CCDC187: variants seen among roughly 807,000 people sequenced by gnomAD.
CCDC187 encodes the protein coiled-coil domain containing 187.
Under a neutral mutation model 38.0 loss-of-function variants are expected in CCDC187, and 32 were observed. The observed-to-expected ratio is 0.84, with a 90% CI of 0.64 to 1.13. The LOEUF is 1.13. Among genes scored for constraint, CCDC187 ranks in the 50% most tolerant of loss-of-function variants. The pLI is 0.00. For missense variants in CCDC187, 707 were observed against 786.8 expected (o/e 0.90, Z 1.21); for synonymous variants, 333 against 347.9 (o/e 0.96, Z 0.48).
Position 136,254,037 on chromosome 9 carries a change from G to A in CCDC187, c.5791C>T (p.Leu1931Phe), listed in dbSNP as rs1490204773. ...ACCGGGGTCTCGGGCTCTGGCATGAGGTACGGGAGTTTGCTCTTGGTGGAT... is the reference window on the plus strand; with the variant it reads ...ACCGGGGTCTCGGGCTCTGGCATGAAGTACGGGAGTTTGCTCTTGGTGGAT... ...SPSTKSKLPY[L>F]MPEPETPVTL... The change falls in exon 26 of 26, where the codon CTC (leucine) becomes TTC (phenylalanine). Residue 1931 changes from leucine (L) to phenylalanine (F), a missense_variant. Transcript: ENST00000638797. The A allele has an allele frequency of 1.0e-6, 1 of 985,242 alleles. No individual in the cohort carries two copies. The highest frequency in any genetic ancestry group is 1.2e-6 in the Non-Finnish European group (1 of 829,924). The allele number at this position is 985,242 out of a possible 1,614,324, so 61.0% of individuals were successfully genotyped here. A position where few individuals can be genotyped will look rare whatever the true frequency, so the allele number is the denominator to read the frequency against.
intron 14 of CCDC187, among the ~76,000 whole-genome samples, chr9:136,268,662 T>A (rs1554761977): frequency 1.3e-5 from 2 of 150,410 alleles, no homozygotes; most frequent in East Asian, 3.9e-4. Flanking sequence ...TGCCATCCCA[T>A]CTGCAACAAC....
chr9:136,288,641 CTG>C (rs1207924225), intron 7 of CCDC187, among the ~76,000 whole-genome samples: 1 of 152,192 alleles, frequency 6.6e-6, no homozygotes, highest in Non-Finnish European at 1.5e-5. Flanking sequence ...AGGCTGGAAA[CTG>C]TAGTGAGACC....
intron 2 of CCDC187, 37 bp from the exon 3 acceptor site, chr9:136,300,355 G>A (rs1831647939): frequency 2.5e-6 from 1 of 398,376 alleles, no homozygotes; most frequent in African/African-American, 2.1e-5. Context: ...AGCGTGAGAA[G>A]AGAGATCCGC....
At chr9:136,263,883 G>C (rs1032905790) in intron 17 of CCDC187, 85 bp from the exon 18 acceptor site, 16 of 917,900 alleles carry the variant, frequency 1.7e-5, no homozygotes, top group Non-Finnish European at 2.1e-5. Flanking sequence ...GTGTCTGGGG[G>C]GATGCCCTGG....
chr9:136,290,527 G>A lies in CCDC187; in HGVS notation c.2086C>T (p.Pro696Ser). 2.5e-6 allele frequency: 1 copy of A among 398,702 alleles called. No individual in the cohort carries two copies. Among genetic ancestry groups the A allele is most frequent in the East Asian group, 3.6e-5 (1 of 28,070 alleles). 24.7% of individuals were successfully genotyped at this position (398,702 alleles called of 1,614,324 possible). ...CTGGGGACAAAGGTCACGATGCCAGGGGTGGTCCGGGAGACCACGGGGACC... is the reference window on the plus strand; with the variant it reads ...CTGGGGACAAAGGTCACGATGCCAGAGGTGGTCCGGGAGACCACGGGGACC... ...RAVPVVSRTT[P>S]GIVTFVPSSA... is the part of the protein sequence containing the mutation. The change falls in exon 6 of 26, where the codon CCT becomes TCT. Residue 696 changes from proline (P) to serine (S), a missense_variant. Pro to Ser is a moderately conservative substitution (Grantham distance 74, BLOSUM62 -1). Coordinates refer to ENST00000638797, the MANE Select transcript of CCDC187 (RefSeq NM_001378188.1).
In CCDC187 at chr9:136,258,795, G is replaced by T. The variant is rs1349490002; in HGVS notation, c.4366+137C>A. 73 of 984,642 alleles carry T rather than the reference G, an allele frequency of 7.4e-5. No individual in the cohort carries two copies. In the Admixed American group the frequency reaches 2.5e-3, roughly 34 times the overall value. The allele number at this position is 984,642 out of a possible 1,614,324, so 61.0% of individuals were successfully genotyped here. ...CAGTGAAGGGGTCTGAGGCCAGGGT[G>T]GGGGGCCACCAGGGCCCATCTTCTT... On this transcript the variant is annotated intron_variant, in intron 22 of 25. Coordinates refer to ENST00000638797, the MANE Select transcript of CCDC187 (RefSeq NM_001378188.1). This position sits in a 1 kb window ranked among gnomAD's most constrained non-coding sequence, Gnocchi z 4.3.
In CCDC187 at chr9:136,256,334, G is replaced by A. The variant is rs569053529; in HGVS notation, c.4504-11C>T. The A allele has an allele frequency of 1.4e-5, 14 of 982,674 alleles. No individual in the cohort carries two copies. Among genetic ancestry groups the A allele is most frequent in the South Asian group, 1.4e-4 (3 of 21,232 alleles). 60.9% of individuals were successfully genotyped at this position (982,674 alleles called of 1,614,324 possible). A position where few individuals can be genotyped will look rare whatever the true frequency, so the allele number is the denominator to read the frequency against. On this transcript the variant is annotated splice_polypyrimidine_tract_variant and intron_variant, in intron 23 of 25. Transcript: ENST00000638797. ...GTCCTCAGCCACCTGCTGGAGAGACGTTGCAGAAATGACACTGTTGGGGTG... is the reference window on the plus strand; with the variant it reads ...GTCCTCAGCCACCTGCTGGAGAGACATTGCAGAAATGACACTGTTGGGGTG...
At chr9:136,305,885 G>C (rs1464334382), upstream of CCDC187, among the ~76,000 whole-genome samples, 1 of 152,168 alleles carries the variant, frequency 6.6e-6, no homozygotes, top group Non-Finnish European at 1.5e-5. Context: ...TGCCTCCCTG[G>C]CCTGGTCACC....
At chr9:136,286,811 T>C in intron 7 of CCDC187, 116 bp from the exon 8 acceptor site, 1 of 397,682 alleles carries the variant, frequency 2.5e-6, no homozygotes, top group Non-Finnish European at 4.4e-6. Context: ...ACGGACCCAG[T>C]GTCTGTCCGC....
rs1353877230 is a variant in CCDC187, at chr9:136,285,086, G to T, written c.2927+427C>A. ...TGACATGGCCCCAGAGGAGGCTGCAGCCCGTGCTGGGGATGGGAGCCAGGT... is the reference window on the plus strand; with the variant it reads ...TGACATGGCCCCAGAGGAGGCTGCATCCCGTGCTGGGGATGGGAGCCAGGT... On this transcript the variant is annotated intron_variant, in intron 9 of 25. Coordinates refer to ENST00000638797, the MANE Select transcript of CCDC187 (RefSeq NM_001378188.1). Among the ~76,000 whole-genome samples, 3 of 152,230 alleles carry T rather than the reference G, an allele frequency of 2.0e-5. No homozygotes were observed. The East Asian group carries it at 5.8e-4, about 29-fold the overall frequency.
intron 14 of CCDC187, among the ~76,000 whole-genome samples, chr9:136,271,708 C>T (rs555867670): frequency 2.7e-5 from 4 of 149,030 alleles, no homozygotes; most frequent in East Asian, 4.1e-4. Flanking sequence ...CCTGGGTTCA[C>T]GCCATTCTCC....
intron 7 of CCDC187, 48 bp from the exon 8 acceptor site, chr9:136,286,743 A>G (rs1051613359): frequency 0.043 from 17,313 of 398,552 alleles, 538 homozygotes; most frequent in African/African-American, 0.1. Flanking sequence ...CGGTCGCCCC[A>G]GCAGGGCACG....
chr9:136,279,803 G>A (rs1006510351), intron 10 of CCDC187, among the ~76,000 whole-genome samples: 12 of 152,236 alleles, frequency 7.9e-5, no homozygotes, highest in East Asian at 3.8e-4. Context: ...GCCATGAGGC[G>A]GCAATTCAGC....
Position 136,274,436 on chromosome 9 carries a change from G to A in CCDC187, c.3442+222C>T, listed in dbSNP as rs146429697. Reference sequence around the variant, plus strand: ...CTAACCCAGTTCCCCGGGCTCAAGCGATGCCAGGGGCTAGGGCTGCCCGAG... The same window carrying A: ...CTAACCCAGTTCCCCGGGCTCAAGCAATGCCAGGGGCTAGGGCTGCCCGAG... On this transcript the variant is annotated intron_variant, in intron 14 of 25. Transcript: ENST00000638797. Among the ~76,000 whole-genome samples, 36 of 152,364 alleles carry A rather than the reference G, an allele frequency of 2.4e-4. 1 individual carries two copies. The East Asian group carries it at 4.8e-3, about 20-fold the overall frequency.
chr9:136,269,163 G>A (rs112230661), intron 14 of CCDC187, among the ~76,000 whole-genome samples: 111 of 152,334 alleles, frequency 7.3e-4, no homozygotes, highest in African/African-American at 2.6e-3. Flanking sequence ...CCTGTTTCCA[G>A]TAGTCAGGCT....
At position 136,254,851 on chromosome 9, in the gene CCDC187, G is replaced by T. The variant is rs1309914663; in HGVS notation, c.4977C>A (p.Asp1659Glu). ...LPSLEAEDSP[D>E]EGFSWPGELS... Reference sequence around the variant, plus strand: ...GCTCTCCAGGCCAGCTGAAACCTTCGTCTGGGGAGTCTTCAGCTTCCAAGC... The same window carrying T: ...GCTCTCCAGGCCAGCTGAAACCTTCTTCTGGGGAGTCTTCAGCTTCCAAGC... Residue 1659 changes from aspartate (D) to glutamate (E), a missense_variant, in exon 26 of 26, where the codon GAC becomes GAA. Physicochemically the swap from Asp to Glu is conservative, Grantham distance 45. Coordinates refer to ENST00000638797, the MANE Select transcript of CCDC187 (RefSeq NM_001378188.1). The T allele has an allele frequency of 1.0e-6, 1 of 982,420 alleles. No homozygotes were observed. The highest frequency in any genetic ancestry group is 1.2e-6 in the Non-Finnish European group (1 of 829,960). 60.9% of individuals were successfully genotyped at this position (982,420 alleles called of 1,614,324 possible). A position where few individuals can be genotyped will look rare whatever the true frequency, so the allele number is the denominator to read the frequency against.
Position 136,267,399 on chromosome 9 carries a change from A to T in CCDC187, c.3632T>A (p.Leu1211Gln). The change falls in exon 16 of 26, where the codon CTG becomes CAG. Residue 1211 changes from leucine (L) to glutamine (Q), a missense_variant. Leu to Gln is a moderately radical substitution (Grantham distance 113). Coordinates refer to ENST00000638797, the MANE Select transcript of CCDC187 (RefSeq NM_001378188.1). ...QEKTLAELAW[L>Q]EHRRGCLDSK... ...ATGCGCTCACCCTCGTCGATGCTCCAGCCAGGCCAGCTCCGCGAGCGTTTT... is the reference window on the plus strand; with the variant it reads ...ATGCGCTCACCCTCGTCGATGCTCCTGCCAGGCCAGCTCCGCGAGCGTTTT... The T allele has an allele frequency of 4.1e-6, 4 of 985,478 alleles. No homozygotes were observed. The highest frequency in any genetic ancestry group is 4.8e-6 in the Non-Finnish European group (4 of 830,008). 61.0% of individuals were successfully genotyped at this position (985,478 alleles called of 1,614,324 possible).
chr9:136,262,131 G>C (rs1019347124), intron 19 of CCDC187, among the ~76,000 whole-genome samples, 180 bp downstream of exon 19: 4 of 152,278 alleles, frequency 2.6e-5, no homozygotes, highest in Admixed American at 2.0e-4. Context: ...AGAAGGTTGA[G>C]CTGCCACCGG....
At position 136,253,539 on chromosome 9, in the gene CCDC187, C is replaced by T. The variant is rs977137650; in HGVS notation, c.*55G>A. On this transcript the variant is annotated 3_prime_UTR_variant, in exon 26 of 26. Coordinates refer to ENST00000638797, the MANE Select transcript of CCDC187 (RefSeq NM_001378188.1). ...TCCCCTGCTGCAGAACTGCATCTAC[C>T]CAACTGGTCGTCAACGCTTCCACCC... 24 of 937,674 alleles carry T rather than the reference C, an allele frequency of 2.6e-5. No homozygotes were observed. The highest frequency in any genetic ancestry group is 3.1e-5 in the Non-Finnish European group (24 of 786,366). 58.1% of individuals were successfully genotyped at this position (937,674 alleles called of 1,614,324 possible).
Sources: gnomAD v4.1 joint callset for allele counts (sites outside exome capture counted in the v4.1 genomes callset) on GRCh38, gnomAD v4.1.1 for gene constraint, Gnocchi (gnomAD v3.1) non-coding constraint, MANE v1.5 for transcripts, NCBI Gene and HGNC (gene_info 2026-07-23, HGNC 2026-07-21) for gene names.